The following GABBR2 variants were observed in gnomAD, a reference collection of about 807,000 sequenced individuals.
The protein encoded by GABBR2 is gamma-aminobutyric acid type B receptor subunit 2, also known as G-protein coupled receptor 51.
In GABBR2, 23 loss-of-function variants were observed where a neutral mutation model predicts 105.6. The ratio of observed to expected loss-of-function variants is 0.22; its 90% CI spans 0.16 to 0.31. The LOEUF is 0.31. Among genes scored for constraint, GABBR2 ranks in the 10% least tolerant of loss-of-function variants. The pLI is 1.00. For missense variants in GABBR2, 734 were observed against 1,245.5 expected (o/e 0.59, Z 6.18); for synonymous variants, 478 against 499.7 (o/e 0.96, Z 0.58).
intron 1 of GABBR2, among the ~76,000 whole-genome samples, chr9:98,593,414 C>T (rs1829175346): frequency 6.6e-6 from 1 of 152,128 alleles, no homozygotes; most frequent in Non-Finnish European, 1.5e-5. Context: ...GAGACCAGTG[C>T]AGTGGTCCAG....
chr9:98,332,358 G>T (rs1419166710), intron 13 of GABBR2, among the ~76,000 whole-genome samples: 3 of 152,194 alleles, frequency 2.0e-5, no homozygotes. Flanking sequence ...CTGGGGCAGG[G>T]AGTGGAAACA....
chr9:98,625,115 G>T (rs1410044134), intron 1 of GABBR2, among the ~76,000 whole-genome samples: 1 of 152,222 alleles, frequency 6.6e-6, no homozygotes, highest in Non-Finnish European at 1.5e-5. Flanking sequence ...ACATACTCCT[G>T]GATGATGTGT....
intron 3 of GABBR2, among the ~76,000 whole-genome samples, chr9:98,510,033 AC>A: frequency 6.6e-6 from 1 of 152,376 alleles, no homozygotes; most frequent in African/African-American, 2.4e-5. Flanking sequence ...AGGTCGGGTT[AC>A]CCACAAAGGG....
At chr9:98,513,813 T>G (rs1368160225) in intron 3 of GABBR2, among the ~76,000 whole-genome samples, 1 of 152,192 alleles carries the variant, frequency 6.6e-6, no homozygotes, top group Non-Finnish European at 1.5e-5. Context: ...TTGGTGGGAC[T>G]GTAAACTAGT....
rs560038681 is a variant in GABBR2, at chr9:98,562,819, C to T, written c.459+15116G>A. ...GCATTGTGGCTCACACCTGCAATCC[C>T]AGCACTTTGGGAGGCCTAGGTGAGA... On this transcript the variant is annotated intron_variant, in intron 2 of 18. Coordinates refer to ENST00000259455, the MANE Select transcript of GABBR2 (RefSeq NM_005458.8). Among the ~76,000 whole-genome samples the T allele has an allele frequency of 2.0e-3, 311 of 152,110 alleles. 4 individuals are homozygous for T. Among genetic ancestry groups the T allele is most frequent in the African/African-American group, 6.8e-3 (284 of 41,486 alleles).
intron 3 of GABBR2, among the ~76,000 whole-genome samples, chr9:98,534,562 G>A (rs577761427): frequency 6.6e-6 from 1 of 152,194 alleles, no homozygotes; most frequent in African/African-American, 2.4e-5. Context: ...AACCCTAAGA[G>A]GTAGGTGCTA....
Position 98,620,740 on chromosome 9 carries a change from G to A in GABBR2, c.322-42668C>T, listed in dbSNP as rs145134011. 1.4e-4 allele frequency among the ~76,000 whole-genome samples: 21 copies of A among 152,238 alleles called. No homozygotes were observed. The East Asian group carries it at 3.9e-3, about 28-fold the overall frequency. ...GATGTTTTCATTATCTGTAATTGAC[G>A]GCTTGCCCTGGCCCATCTCAGCACC... On this transcript the variant is annotated intron_variant, in intron 1 of 18. Transcript: ENST00000259455.
chr9:98,397,849 C>G (rs897378175), intron 8 of GABBR2, among the ~76,000 whole-genome samples: 5 of 152,174 alleles, frequency 3.3e-5, no homozygotes, highest in African/African-American at 1.2e-4. Context: ...CTTCTGATTC[C>G]TGCTGGCTAG....
intron 13 of GABBR2, among the ~76,000 whole-genome samples, chr9:98,334,162 A>G (rs1831075023): frequency 6.6e-6 from 1 of 152,262 alleles, no homozygotes; most frequent in Admixed American, 6.5e-5. Context: ...TCTCAGATCT[A>G]AACTTGCTGG....
At chr9:98,563,707 A>C (rs1376832890) in intron 2 of GABBR2, among the ~76,000 whole-genome samples, 1 of 152,232 alleles carries the variant, frequency 6.6e-6, no homozygotes, top group Non-Finnish European at 1.5e-5. Flanking sequence ...TGCTTAAATC[A>C]GCATTTATGA....
intron 6 of GABBR2, among the ~76,000 whole-genome samples, chr9:98,457,472 T>C (rs1460576098): frequency 6.6e-6 from 1 of 152,206 alleles, no homozygotes; most frequent in Non-Finnish European, 1.5e-5. Context: ...GATCATATTG[T>C]CTATTGGATT....
intron 13 of GABBR2, among the ~76,000 whole-genome samples, chr9:98,327,551 A>G (rs1830944527): frequency 6.6e-6 from 1 of 152,184 alleles, no homozygotes; most frequent in South Asian, 2.1e-4. Flanking sequence ...AACATTTTTA[A>G]CAAATAAAAT....
intron 1 of GABBR2, among the ~76,000 whole-genome samples, chr9:98,641,062 C>A (rs1446979414): frequency 6.6e-6 from 1 of 152,102 alleles, no homozygotes; most frequent in Non-Finnish European, 1.5e-5. Context: ...TCCCCTCCAC[C>A]CCTATTGAGG....
intron 2 of GABBR2, among the ~76,000 whole-genome samples, chr9:98,573,394 C>G (rs1017082261): frequency 6.6e-6 from 1 of 152,092 alleles, no homozygotes; most frequent in Admixed American, 6.5e-5. Flanking sequence ...GCAATCCACC[C>G]ACTTCAGCCT....
chr9:98,447,123 G>A (rs1170305017), intron 7 of GABBR2, among the ~76,000 whole-genome samples: 6 of 108,738 alleles, frequency 5.5e-5, no homozygotes, highest in Non-Finnish European at 6.0e-5. Context: ...GTGCAGTGGC[G>A]CAATCTCGGC....
chr9:98,704,759 G>GA (rs11434795), intron 1 of GABBR2, among the ~76,000 whole-genome samples: 110,516 of 151,734 alleles, frequency 0.73, 40,908 homozygotes, highest in Middle Eastern at 0.84. Flanking sequence ...TAATCAAATT[G>GA]AAAAAAAATA....
chr9:98,419,101 G>A lies in GABBR2; in HGVS notation c.1237-12960C>T, dbSNP rs559028088. Among the ~76,000 whole-genome samples the A allele has an allele frequency of 4.3e-4, 65 of 152,384 alleles. 1 individual carries two copies. In the South Asian group the frequency reaches 0.013, roughly 30 times the overall value. On this transcript the variant is annotated intron_variant, in intron 7 of 18. Transcript: ENST00000259455. ...CAGGGTGGGCTGCAGATTGGCCCGG[G>A]GGGGCGGTGGAGCAGGGCTCAAATT...
At chr9:98,558,982 G>A (rs1296476475) in intron 2 of GABBR2, among the ~76,000 whole-genome samples, 1 of 152,102 alleles carries the variant, frequency 6.6e-6, no homozygotes, top group Non-Finnish European at 1.5e-5. Context: ...GCATGGAATT[G>A]GACTCAATTT....
In GABBR2 at chr9:98,290,756, A is replaced by G; in HGVS notation, c.2661-7T>C. 6.8e-7 allele frequency: 1 copy of G among 1,474,502 alleles called. No homozygotes were observed. The highest frequency in any genetic ancestry group is 3.1e-5 in the Admixed American group (1 of 32,744). The allele number at this position is 1,474,502 out of a possible 1,614,324, so 91.3% of individuals were successfully genotyped here. The stretch of plus-strand genomic sequence containing the variant: ...GGACAGCCGACGCTGGATGCTGAAG[A>G]GAAGGAGAGGGAGGAGTGTTAGTGA... On this transcript the variant is annotated splice_polypyrimidine_tract_variant and splice_region_variant and intron_variant, in intron 18 of 18. Coordinates refer to ENST00000259455, the MANE Select transcript of GABBR2 (RefSeq NM_005458.8).
Sources: gnomAD v4.1 joint callset for allele counts (sites outside exome capture counted in the v4.1 genomes callset) on GRCh38, gnomAD v4.1.1 for gene constraint, MANE v1.5 for transcripts, NCBI Gene and HGNC (gene_info 2026-07-23, HGNC 2026-07-21) for gene names.